SLC1A2: variants seen among roughly 807,000 people sequenced by gnomAD.
SLC1A2 encodes excitatory amino acid transporter 2.
In SLC1A2, 15 loss-of-function variants were observed where a neutral mutation model predicts 48.8. The ratio of observed to expected loss-of-function variants is 0.31; its 90% CI spans 0.21 to 0.47. The LOEUF is 0.47. Ranked by LOEUF, SLC1A2 falls within the 20% of genes least tolerant of loss-of-function variation. SLC1A2 has a pLI of 0.99. For synonymous variants in SLC1A2, 279 were observed against 272.6 expected, an observed-to-expected ratio of 1.02 and a Z score of -0.23; for missense variants, 502 against 730.5, an observed-to-expected ratio of 0.69 and a Z score of 3.61.
intron 8 of SLC1A2, among the ~76,000 whole-genome samples, chr11:35,284,141 T>C (rs920576907): frequency 3.4e-5 from 5 of 145,882 alleles, no homozygotes; most frequent in Non-Finnish European, 7.5e-5. Flanking sequence ...AACAGTATAG[T>C]ATAGTGGAGG....
chr11:35,339,371 C>T lies in SLC1A2; in HGVS notation c.18-21855G>A, dbSNP rs1485031165. ...AAAATCAAACCTAACTGGAACTATC[C>T]GTTCCACAGGGCATCTTCTTATACT... On this transcript the variant is annotated intron_variant, in intron 1 of 10. Coordinates refer to ENST00000278379, the MANE Select transcript of SLC1A2 (RefSeq NM_004171.4). Among the ~76,000 whole-genome samples, 4 of 152,194 alleles carry T rather than the reference C, an allele frequency of 2.6e-5. No homozygotes were observed. In the East Asian group the frequency reaches 5.8e-4, roughly 22 times the overall value.
chr11:35,376,812 A>ATG (rs1241744413), intron 1 of SLC1A2, among the ~76,000 whole-genome samples: 1 of 152,230 alleles, frequency 6.6e-6, no homozygotes, highest in Non-Finnish European at 1.5e-5. Flanking sequence ...GCTTCAAGAT[A>ATG]TGAATCTATC....
In SLC1A2 at chr11:35,265,672, G is replaced by T; in HGVS notation, c.1508C>A (p.Thr503Asn). The T allele has an allele frequency of 1.2e-6, 2 of 1,613,158 alleles. No homozygotes were observed. Among genetic ancestry groups the T allele is most frequent in the Non-Finnish European group, 1.7e-6 (2 of 1,179,076 alleles). ...ATGCACTCGATGCTGGGAGTCAATG[G>T]TATCCAGCTCAGACTTGGAGAGGTG... ...VYHLSKSELD[T>N]IDSQHRVHED... Residue 503 changes from threonine (T) to asparagine (N), a missense_variant, in exon 10 of 11, where the codon ACC (threonine) becomes AAC (asparagine). By Grantham distance (65) the Thr-to-Asn change is moderately conservative. Coordinates refer to ENST00000278379, the MANE Select transcript of SLC1A2 (RefSeq NM_004171.4).
At position 35,368,782 on chromosome 11, in the gene SLC1A2, G is replaced by C. The variant is rs542610520; in HGVS notation, c.17+50168C>G. On this transcript the variant is annotated intron_variant, in intron 1 of 10. Transcript: ENST00000278379. The stretch of plus-strand genomic sequence containing the variant: ...CTGGGGTAGATTCAGGCCCAGCCAT[G>C]ATGTCCCTGACACGTCTTTGGCCCC... Among the ~76,000 whole-genome samples, 187 of 152,358 alleles carry C rather than the reference G, an allele frequency of 1.2e-3. 3 individuals carry two copies. Among genetic ancestry groups the C allele is most frequent in the Middle Eastern group, 6.8e-3 (2 of 294 alleles).
chr11:35,303,560 T>A (rs950656830), intron 5 of SLC1A2, among the ~76,000 whole-genome samples: 1 of 152,190 alleles, frequency 6.6e-6, no homozygotes, highest in African/African-American at 2.4e-5. Flanking sequence ...TCAAAGAGAA[T>A]CAATCTGAAT....
In SLC1A2 at chr11:35,385,938, C is replaced by T. The variant is rs140252834; in HGVS notation, c.17+33012G>A. ...ATCCCAGCACTTTAGGAGGCCAAGG[C>T]GGGTGGATCACGAGGTCAGGAGATC... is the stretch of plus-strand genomic sequence containing the variant. On this transcript the variant is annotated intron_variant, in intron 1 of 10. Transcript: ENST00000278379. Among the ~76,000 whole-genome samples the T allele has an allele frequency of 6.0e-3, 919 of 152,092 alleles. 13 individuals are homozygous for T. The highest frequency in any genetic ancestry group is 0.02 in the African/African-American group (833 of 41,462).
chr11:35,328,680 T>C (rs1852327030), intron 1 of SLC1A2, among the ~76,000 whole-genome samples: 1 of 152,182 alleles, frequency 6.6e-6, no homozygotes, highest in African/African-American at 2.4e-5. Flanking sequence ...ACATCGACAC[T>C]GAACATTTGG....
At position 35,258,776 on chromosome 11, in the gene SLC1A2, T is replaced by TAAAAATACAAAAAA. The variant is rs1387994885; in HGVS notation, c.*2104_*2117dup. The TAAAAATACAAAAAA allele has an allele frequency of 6.6e-6, 1 of 151,972 alleles. No individual in the cohort carries two copies. The highest frequency in any genetic ancestry group is 1.5e-5 in the Non-Finnish European group (1 of 68,044). The allele number at this position is 151,972 out of a possible 1,614,324, so 9.4% of individuals were successfully genotyped here. ...CTAACATAATGAAACCCATCTGTAC[T>TAAAAATACAAAAAA]AAAAATACAAAAAATTAGCCAGGCA... On this transcript the variant is annotated 3_prime_UTR_variant, in exon 11 of 11. Coordinates refer to ENST00000278379, the MANE Select transcript of SLC1A2 (RefSeq NM_004171.4).
chr11:35,315,837 A>AAAAG (rs1156813234), intron 2 of SLC1A2: 1 of 152,156 alleles, frequency 6.6e-6, no homozygotes, highest in South Asian at 2.1e-4. Context: ...AGAAAAAGAA[A>AAAAG]AAAGAAAGAA....
At chr11:35,345,488 G>A (rs1219594231) in intron 1 of SLC1A2, among the ~76,000 whole-genome samples, 2 of 152,110 alleles carry the variant, frequency 1.3e-5, no homozygotes, top group Admixed American at 6.6e-5. Context: ...GGCTCACTGG[G>A]CGCCAATAAT....
chr11:35,351,833 A>C (rs11033086), intron 1 of SLC1A2, among the ~76,000 whole-genome samples: 58,313 of 151,812 alleles, frequency 0.38, 11,295 homozygotes, highest in South Asian at 0.54. Context: ...ACGGGGTTTC[A>C]CCATATTGGC....
chr11:35,307,586 C>G (rs1347178871), intron 4 of SLC1A2, among the ~76,000 whole-genome samples: 1 of 152,216 alleles, frequency 6.6e-6, no homozygotes, highest in Non-Finnish European at 1.5e-5. Flanking sequence ...TAGTAGGTAA[C>G]AGATGGCTGA....
At chr11:35,328,606 C>G (rs1852323164) in intron 1 of SLC1A2, among the ~76,000 whole-genome samples, 1 of 152,164 alleles carries the variant, frequency 6.6e-6, no homozygotes, top group African/African-American at 2.4e-5. Flanking sequence ...AACTGGTCAG[C>G]CCACTCTCCC....
intron 6 of SLC1A2, among the ~76,000 whole-genome samples, chr11:35,294,913 A>G (rs971917080): frequency 1.3e-5 from 2 of 152,246 alleles, no homozygotes; most frequent in Non-Finnish European, 2.9e-5. Context: ...GGCAAGAAGA[A>G]GCCCTTGCTA....
chr11:35,312,491 T>C lies in SLC1A2; in HGVS notation c.311-43A>G, dbSNP rs757995320. ...GCAGAAGGATTAATTCTATTACGTTTGTGCTAATGACCTGTGTCTACATTT... is the reference window on the plus strand; with the variant it reads ...GCAGAAGGATTAATTCTATTACGTTCGTGCTAATGACCTGTGTCTACATTT... On this transcript the variant is annotated intron_variant, in intron 3 of 10. Coordinates refer to ENST00000278379, the MANE Select transcript of SLC1A2 (RefSeq NM_004171.4). 5 of 1,605,190 alleles carry C rather than the reference T, an allele frequency of 3.1e-6. No homozygotes were observed. In the South Asian group the frequency reaches 5.5e-5, roughly 18 times the overall value.
chr11:35,356,031 C>A (rs1484532425), intron 1 of SLC1A2, among the ~76,000 whole-genome samples: 1 of 152,012 alleles, frequency 6.6e-6, no homozygotes, highest in African/African-American at 2.4e-5. Flanking sequence ...TAGTTACAAA[C>A]AAAATAATTA....
chr11:35,317,263 A>C, intron 2 of SLC1A2, 114 bp downstream of exon 2: 2 of 1,183,466 alleles, frequency 1.7e-6, no homozygotes, highest in Non-Finnish European at 2.4e-6. Flanking sequence ...GCCCTAGGCA[A>C]ACCACGTGGC....
intron 1 of SLC1A2, among the ~76,000 whole-genome samples, chr11:35,369,904 C>T (rs1224390063): frequency 5.9e-5 from 9 of 152,076 alleles, no homozygotes; most frequent in Non-Finnish European, 8.8e-5. Flanking sequence ...AGAAACAGTC[C>T]ATATAGGAAT....
At chr11:35,340,327 C>T (rs1221369659) in intron 1 of SLC1A2, among the ~76,000 whole-genome samples, 1 of 152,216 alleles carries the variant, frequency 6.6e-6, no homozygotes, top group Non-Finnish European at 1.5e-5. Context: ...CAGGGCAACG[C>T]TGGCACAGAG....
Sources: gnomAD v4.1 joint callset for allele counts (sites outside exome capture counted in the v4.1 genomes callset) on GRCh38, gnomAD v4.1.1 for gene constraint, MANE v1.5 for transcripts, NCBI Gene and HGNC (gene_info 2026-07-23, HGNC 2026-07-21) for gene names.